DOK6: variants seen among roughly 807,000 people sequenced by gnomAD.
DOK6 encodes the protein downstream of tyrosine kinase 6.
A neutral mutation model predicts 44.0 loss-of-function variants in DOK6; 22 were observed. That is an observed-to-expected ratio of 0.50 (90% confidence interval 0.36 to 0.71). DOK6 has a LOEUF of 0.71. Ranked by LOEUF, DOK6 falls within the 30% of genes least tolerant of loss-of-function variation. DOK6 has a pLI of 0.00. For missense variants in DOK6, 340 were observed against 416.4 expected (o/e 0.82, Z 1.60); for synonymous variants, 166 against 145.5 (o/e 1.14, Z -1.01).
intron 3 of DOK6, among the ~76,000 whole-genome samples, chr18:69,608,894 G>A (rs912599018): frequency 5.5e-5 from 8 of 146,496 alleles, no homozygotes; most frequent in Non-Finnish European, 8.9e-5. Flanking sequence ...AGGTTGCAGT[G>A]AGCCGAGATG....
chr18:69,536,173 T>C (rs11661919), intron 1 of DOK6, among the ~76,000 whole-genome samples: 24,616 of 152,108 alleles, frequency 0.16, 2,391 homozygotes, highest in South Asian at 0.32. Context: ...AAGGATCACA[T>C]CTACAAGCCC....
intron 1 of DOK6, chr18:69,483,693 T>C (rs1227654947): frequency 6.6e-6 from 1 of 152,102 alleles, no homozygotes. Flanking sequence ...CTCAAGAAAG[T>C]GTTCCCTCCA....
chr18:69,647,277 G>T (rs986816339), intron 3 of DOK6: 1 of 151,998 alleles, frequency 6.6e-6, no homozygotes, highest in Non-Finnish European at 1.5e-5. Flanking sequence ...GTAAAGTGAA[G>T]TTTATATGTT....
In DOK6 at chr18:69,848,826, CTACTT is replaced by C. The variant is rs552456503; in HGVS notation, c.*7447_*7451del. 1 of 152,312 alleles carries C rather than the reference CTACTT, an allele frequency of 6.6e-6. No homozygotes were observed. The highest frequency in any genetic ancestry group is 2.1e-4 in the South Asian group (1 of 4,830). 9.4% of individuals were successfully genotyped at this position (152,312 alleles called of 1,614,324 possible). The stretch of plus-strand genomic sequence containing the variant: ...TTAAAGGTAAAGCAGTTCAAAAATA[CTACTT>C]TACATCACAACTTTGCATGGCTGAG... On this transcript the variant is annotated 3_prime_UTR_variant, in exon 8 of 8. Coordinates refer to ENST00000382713, the MANE Select transcript of DOK6 (RefSeq NM_152721.6).
At chr18:69,693,414 A>G (rs1458650395) in intron 4 of DOK6, among the ~76,000 whole-genome samples, 3 of 152,182 alleles carry the variant, frequency 2.0e-5, no homozygotes, top group Admixed American at 2.0e-4. Context: ...TGCAGTCACA[A>G]TGCACTGAAT....
At chr18:69,558,894 A>G (rs973023398) in intron 1 of DOK6, among the ~76,000 whole-genome samples, 1 of 152,136 alleles carries the variant, frequency 6.6e-6, no homozygotes. Context: ...TACCATTGTT[A>G]TATAGGATGC....
intron 1 of DOK6, among the ~76,000 whole-genome samples, chr18:69,507,311 G>A (rs940734249): frequency 2.0e-5 from 3 of 152,242 alleles, no homozygotes; most frequent in East Asian, 1.9e-4. Context: ...ACAGGCGTGA[G>A]CCACCGTGCC....
At chr18:69,763,707 T>A (rs934964013) in intron 7 of DOK6, among the ~76,000 whole-genome samples, 1 of 152,192 alleles carries the variant, frequency 6.6e-6, no homozygotes, top group Non-Finnish European at 1.5e-5. Flanking sequence ...GCTCTCACCT[T>A]GACTTTTAAT....
At chr18:69,832,535 C>T (rs1981931143) in intron 7 of DOK6, 1 of 151,792 alleles carries the variant, frequency 6.6e-6, no homozygotes, top group Non-Finnish European at 1.5e-5. Context: ...GTCATACTTG[C>T]CTCATAGAGT....
intron 1 of DOK6, among the ~76,000 whole-genome samples, chr18:69,562,308 C>T (rs1982853855): frequency 6.6e-6 from 1 of 151,866 alleles, no homozygotes; most frequent in Non-Finnish European, 1.5e-5. Flanking sequence ...GCTTAAGATT[C>T]AGACGTGTCA....
intron 2 of DOK6, among the ~76,000 whole-genome samples, chr18:69,580,088 A>G (rs1983331807): frequency 6.6e-6 from 1 of 152,078 alleles, no homozygotes; most frequent in African/African-American, 2.4e-5. Flanking sequence ...AATCACCACA[A>G]ACTCAGGGGC....
At chr18:69,712,608 G>A (rs1986792287) in intron 5 of DOK6, among the ~76,000 whole-genome samples, 1 of 152,162 alleles carries the variant, frequency 6.6e-6, no homozygotes, top group Non-Finnish European at 1.5e-5. Context: ...ACTTTGGGAG[G>A]CTGAGGCAGG....
At chr18:69,432,554 A>G (rs1301421258) in intron 1 of DOK6, among the ~76,000 whole-genome samples, 1 of 152,246 alleles carries the variant, frequency 6.6e-6, no homozygotes, top group Non-Finnish European at 1.5e-5. Context: ...TGCTAACAAC[A>G]TAATGCTATT....
At chr18:69,421,689 C>A (rs1228539791) in intron 1 of DOK6, among the ~76,000 whole-genome samples, 5 of 152,134 alleles carry the variant, frequency 3.3e-5, no homozygotes, top group Non-Finnish European at 5.9e-5. Flanking sequence ...AGTTTTATAT[C>A]TGATACAGTC....
chr18:69,623,902 T>G (rs1251914401), intron 3 of DOK6, among the ~76,000 whole-genome samples: 1 of 152,192 alleles, frequency 6.6e-6, no homozygotes, highest in African/African-American at 2.4e-5. Flanking sequence ...TGCATACATT[T>G]CAGCTTTCAT....
intron 2 of DOK6, among the ~76,000 whole-genome samples, chr18:69,592,485 C>A (rs144029064): frequency 6.6e-6 from 1 of 152,116 alleles, no homozygotes; most frequent in African/African-American, 2.4e-5. Context: ...TTAGGGATTT[C>A]TCTTTAAAAT....
At chr18:69,684,538 C>T (rs1187093973) in intron 4 of DOK6, among the ~76,000 whole-genome samples, 1 of 152,130 alleles carries the variant, frequency 6.6e-6, no homozygotes, top group Non-Finnish European at 1.5e-5. Flanking sequence ...AATACTGAAT[C>T]CAGAATTACT....
intron 7 of DOK6, among the ~76,000 whole-genome samples, chr18:69,809,379 C>CT: frequency 6.6e-6 from 1 of 151,664 alleles, no homozygotes; most frequent in Admixed American, 6.6e-5. Context: ...AAATTTTTCT[C>CT]TAAGATACAG....
chr18:69,795,689 T>C (rs1235335376), intron 7 of DOK6, among the ~76,000 whole-genome samples: 2 of 152,194 alleles, frequency 1.3e-5, no homozygotes, highest in Non-Finnish European at 2.9e-5. Flanking sequence ...AGTTCGTTCA[T>C]GATACACACT....
Sources: gnomAD v4.1 joint callset for allele counts (sites outside exome capture counted in the v4.1 genomes callset) on GRCh38, gnomAD v4.1.1 for gene constraint, MANE v1.5 for transcripts, NCBI Gene and HGNC (gene_info 2026-07-23, HGNC 2026-07-21) for gene names.